OPCML: variants seen among roughly 807,000 people sequenced by gnomAD.
OPCML encodes the protein opioid binding protein/cell adhesion molecule like.
A neutral mutation model predicts 37.8 loss-of-function variants in OPCML; 13 were observed. The observed-to-expected ratio is 0.34, with a 90% confidence interval of 0.22 to 0.55. The LOEUF is 0.55. Among genes scored for constraint, OPCML ranks in the 20% least tolerant of loss-of-function variants. The pLI, the probability that OPCML is intolerant of heterozygous loss-of-function variation, is 0.91. For synonymous variants in OPCML, 176 were observed against 168.8 expected, an observed-to-expected ratio of 1.04 and a Z score of -0.33; for missense variants, 341 against 435.6, an observed-to-expected ratio of 0.78 and a Z score of 1.93.
chr11:132,573,548 G>A (rs189464322), intron 3 of OPCML, among the ~76,000 whole-genome samples: 1 of 151,950 alleles, frequency 6.6e-6, no homozygotes, highest in Admixed American at 6.6e-5. Flanking sequence ...TTGATTTTGT[G>A]TATCACATTA....
At chr11:132,969,514 C>T (rs537049777) in intron 1 of OPCML, among the ~76,000 whole-genome samples, 2 of 152,230 alleles carry the variant, frequency 1.3e-5, no homozygotes, top group Non-Finnish European at 2.9e-5. Context: ...TTCTTTCTCT[C>T]CTCTTGTTCT....
intron 1 of OPCML, among the ~76,000 whole-genome samples, chr11:132,972,026 T>C (rs1946354026): frequency 6.6e-6 from 1 of 152,212 alleles, no homozygotes; most frequent in Non-Finnish European, 1.5e-5. Flanking sequence ...TCCAAGGGCC[T>C]AAATACTTGC....
intron 1 of OPCML, among the ~76,000 whole-genome samples, chr11:133,522,351 G>C (rs1948412245): frequency 6.6e-6 from 1 of 152,178 alleles, no homozygotes; most frequent in South Asian, 2.1e-4. Context: ...CACGTATCTG[G>C]CATTTGGTAT....
intron 2 of OPCML, among the ~76,000 whole-genome samples, chr11:132,909,724 C>A (rs1944360704): frequency 2.6e-5 from 4 of 152,190 alleles, no homozygotes; most frequent in Admixed American, 2.6e-4. Context: ...CAAGAAATGC[C>A]AAGAAAATGG....
chr11:132,963,915 G>A (rs1378355914), intron 1 of OPCML, among the ~76,000 whole-genome samples: 1 of 152,132 alleles, frequency 6.6e-6, no homozygotes, highest in Non-Finnish European at 1.5e-5. Context: ...CCCTTCTGTA[G>A]TTACACACTT....
chr11:132,944,309 C>T (rs993148940), intron 1 of OPCML, among the ~76,000 whole-genome samples: 1 of 152,178 alleles, frequency 6.6e-6, no homozygotes, highest in Non-Finnish European at 1.5e-5. Flanking sequence ...GTTGACAAAC[C>T]CCGCCCTGGA....
intron 1 of OPCML, chr11:133,419,406 A>G: frequency 1.1e-6 from 1 of 895,230 alleles, no homozygotes. Context: ...AATTTTCAGA[A>G]ATTATATGAG....
intron 1 of OPCML, among the ~76,000 whole-genome samples, chr11:133,037,361 C>A (rs1475517189): frequency 2.0e-5 from 3 of 152,140 alleles, no homozygotes; most frequent in Non-Finnish European, 4.4e-5. Context: ...TGGTACTGAG[C>A]TCTCTGTTAC....
intron 1 of OPCML, among the ~76,000 whole-genome samples, chr11:133,341,420 G>C (rs1422376976): frequency 1.3e-5 from 2 of 152,124 alleles, no homozygotes; most frequent in Non-Finnish European, 2.9e-5. Context: ...ATGGACAAGT[G>C]ATGCAGGAGC....
At chr11:132,804,313 G>GA (rs1938867891) in intron 2 of OPCML, among the ~76,000 whole-genome samples, 1 of 152,120 alleles carries the variant, frequency 6.6e-6, no homozygotes, top group South Asian at 2.1e-4. Flanking sequence ...AGCCCAAGTG[G>GA]AAAAATCATA....
At chr11:133,085,818 T>C (rs1006245037) in intron 1 of OPCML, among the ~76,000 whole-genome samples, 2 of 152,226 alleles carry the variant, frequency 1.3e-5, no homozygotes, top group Non-Finnish European at 2.9e-5. Flanking sequence ...TTCTAGTGTA[T>C]ATCTGATCTG....
intron 4 of OPCML, among the ~76,000 whole-genome samples, chr11:132,502,411 C>A (rs1355336471): frequency 6.6e-6 from 1 of 152,204 alleles, no homozygotes; most frequent in African/African-American, 2.4e-5. Flanking sequence ...TGTGCCAGTT[C>A]TCCCATCACA....
At chr11:133,048,929 A>G (rs996221291) in intron 1 of OPCML, among the ~76,000 whole-genome samples, 1 of 152,226 alleles carries the variant, frequency 6.6e-6, no homozygotes, top group African/African-American at 2.4e-5. Flanking sequence ...AAGTCTAGTC[A>G]ATATTACTTT....
At chr11:132,552,763 C>CTTTTTTTGTTTTTTTTTTTTT (rs2096385029) in intron 3 of OPCML, among the ~76,000 whole-genome samples, 1 of 92,802 alleles carries the variant, frequency 1.1e-5, no homozygotes, top group Non-Finnish European at 2.0e-5. Context: ...AAACACTACT[C>CTTTTTTTGTTTTTTTTTTTTT]TTTTTTTTTT....
At chr11:133,277,003 A>G (rs994173299) in intron 1 of OPCML, among the ~76,000 whole-genome samples, 1 of 152,180 alleles carries the variant, frequency 6.6e-6, no homozygotes, top group African/African-American at 2.4e-5. Flanking sequence ...CGGTATTTCA[A>G]ATGTATCGAC....
chr11:132,909,050 C>T (rs933748068), intron 2 of OPCML, among the ~76,000 whole-genome samples: 5 of 149,808 alleles, frequency 3.3e-5, no homozygotes, highest in African/African-American at 1.2e-4. Flanking sequence ...GCCTCAGAGA[C>T]AGAAGCATCA....
intron 2 of OPCML, among the ~76,000 whole-genome samples, chr11:132,834,215 T>C (rs1940876942): frequency 6.6e-6 from 1 of 152,174 alleles, no homozygotes; most frequent in African/African-American, 2.4e-5. Flanking sequence ...AGAGCCAAAA[T>C]ACCTTTAAGG....
chr11:133,383,794 C>A lies in OPCML; in HGVS notation c.61+148470G>T, dbSNP rs78142425. The stretch of plus-strand genomic sequence containing the variant: ...AAGCTATAAATAAACAGAAGGGGAC[C>A]GTCTGTTCCTGAGACTGTGTAATGT... On this transcript the variant is annotated intron_variant, in intron 1 of 7. Coordinates refer to ENST00000524381, the MANE Select transcript of OPCML (RefSeq NM_001012393.5). 7.6e-4 allele frequency among the ~76,000 whole-genome samples: 116 copies of A among 152,058 alleles called. 1 individual carries two copies. Among genetic ancestry groups the A allele is most frequent in the South Asian group, 5.4e-3 (26 of 4,814 alleles).
chr11:132,891,842 A>G (rs1357139139), intron 2 of OPCML, among the ~76,000 whole-genome samples: 4 of 152,178 alleles, frequency 2.6e-5, no homozygotes, highest in African/African-American at 7.2e-5. Flanking sequence ...AGATTTTTCA[A>G]TTTCCATGTT....
Sources: gnomAD v4.1 joint callset for allele counts (sites outside exome capture counted in the v4.1 genomes callset) on GRCh38, gnomAD v4.1.1 for gene constraint, MANE v1.5 for transcripts, NCBI Gene and HGNC (gene_info 2026-07-23, HGNC 2026-07-21) for gene names.